HPD: variants seen among roughly 807,000 people sequenced by gnomAD.
HPD encodes 4-hydroxyphenylpyruvate dioxygenase, also known as 4-hydroxyphenylpyruvic acid oxidase.
HPD carries 35 observed loss-of-function variants against 56.9 expected under a neutral mutation model. That is an observed-to-expected ratio of 0.62 (90% CI 0.47 to 0.82). The LOEUF (loss-of-function observed/expected upper bound fraction) is 0.82. Among genes scored for constraint, HPD ranks in the 40% least tolerant of loss-of-function variants. HPD has a pLI of 0.00. For synonymous variants in HPD, 186 were observed against 200.2 expected (o/e 0.93, Z 0.60); for missense variants, 442 against 506.8 (o/e 0.87, Z 1.23).
At position 121,839,746 on chromosome 12, in the gene HPD, C is replaced by T. The variant is rs780183917; in HGVS notation, c.1164G>A (p.Gly388=). The change falls in exon 14 of 14, where the codon GGG becomes GGA. Residue 388 remains glycine, a synonymous_variant. Coordinates refer to ENST00000289004, the MANE Select transcript of HPD (RefSeq NM_002150.3). ...GCGGGGCTTACATGCCGGGCACCAC[C>T]CCATTGGTCTCCATGTTGGTGAGGT... ...RGNLTNMETN[G]VVPGM 5.0e-6 allele frequency: 8 copies of T among 1,613,492 alleles called. No individual in the cohort carries two copies. The highest frequency in any genetic ancestry group is 6.8e-6 in the Non-Finnish European group (8 of 1,179,400).
At chr12:121,844,152 C>A (rs577768608) in intron 11 of HPD, among the ~76,000 whole-genome samples, 1 of 151,996 alleles carries the variant, frequency 6.6e-6, no homozygotes, top group Non-Finnish European at 1.5e-5. Flanking sequence ...CCGGTTCAAG[C>A]GATTCTCCTG....
rs189210271 is a variant in HPD, at chr12:121,846,891, C to T, written c.802G>A (p.Ala268Thr). 2 of 1,614,098 alleles carry T rather than the reference C, an allele frequency of 1.2e-6. No homozygotes were observed. The highest frequency in any genetic ancestry group is 2.2e-5 in the East Asian group (1 of 44,878). ...YNGGAGVQHI[A>T]LKTEDIITAI... ...GTGATGATGTCTTCGGTCTTGAGAG[C>T]GATGTGCTGGACCCCAGCGCCCCCG... The change falls in exon 11 of 14, where the codon GCT (alanine) becomes ACT (threonine). Residue 268 changes from alanine (A) to threonine (T), a missense_variant. Coordinates refer to ENST00000289004, the MANE Select transcript of HPD (RefSeq NM_002150.3).
upstream of HPD, among the ~76,000 whole-genome samples, chr12:121,863,056 C>A (rs1451367478): frequency 6.6e-6 from 1 of 150,830 alleles, no homozygotes; most frequent in Non-Finnish European, 1.5e-5. Flanking sequence ...GATCTCTGCT[C>A]ACTGCAACCT....
At chr12:121,885,443 G>A in the HPD span, among the ~76,000 whole-genome samples, 24 of 148,246 alleles carry the variant, frequency 1.6e-4, no homozygotes, top group African/African-American at 6.0e-4. Context: ...CTTGTGATCC[G>A]CCCACCTCGG....
intron 12 of HPD, 82 bp downstream of exon 12, chr12:121,843,628 G>C: frequency 1.3e-6 from 2 of 1,545,448 alleles, no homozygotes; most frequent in Non-Finnish European, 1.8e-6. Flanking sequence ...GCTCCCCTCC[G>C]GGCTGAGACA....
At chr12:121,863,158 T>A (rs1239370160), upstream of HPD, among the ~76,000 whole-genome samples, 1 of 151,996 alleles carries the variant, frequency 6.6e-6, no homozygotes, top group Non-Finnish European at 1.5e-5. Flanking sequence ...AATTTTTGTA[T>A]TTTTTATCAG....
the HPD span, among the ~76,000 whole-genome samples, chr12:121,880,897 C>T: frequency 2.0e-5 from 3 of 152,182 alleles, no homozygotes; most frequent in Non-Finnish European, 4.4e-5. Flanking sequence ...CAGGCTCAAG[C>T]AATCCCCCCA....
chr12:121,849,024 G>C lies in HPD; in HGVS notation c.571C>G (p.Gln191Glu). Reference sequence around the variant, plus strand: ...CATTCGGAGGCGGACACCATCTCCTGATCAGGCTGGTTTCCCACAATGTGG... The same window carrying C: ...CATTCGGAGGCGGACACCATCTCCTCATCAGGCTGGTTTCCCACAATGTGG... ...IDHIVGNQPD[Q>E]EMVSASEWYL... The change falls in exon 9 of 14, where the codon CAG (glutamine) becomes GAG (glutamate). Residue 191 changes from glutamine (Q) to glutamate (E), a missense_variant. Transcript: ENST00000289004. 1.2e-6 allele frequency: 2 copies of C among 1,613,846 alleles called. No individual in the cohort carries two copies. The highest frequency in any genetic ancestry group is 8.5e-7 in the Non-Finnish European group (1 of 1,179,904).
Position 121,840,022 on chromosome 12 carries a change from G to C in HPD, c.981C>G (p.Asp327Glu), listed in dbSNP as rs747384816. The C allele has an allele frequency of 6.2e-7, 1 of 1,613,506 alleles. No homozygotes were observed. Among genetic ancestry groups the C allele is most frequent in the Admixed American group, 1.7e-5 (1 of 59,988 alleles). ...AGATCTGCAGGAGGTAGCCTTTCTC[G>C]TCGTAGTCCACCAGGATTTTCAGCT... The part of the protein sequence containing the change: ...LEELKILVDY[D>E]EKGYLLQIFT... The change falls in exon 13 of 14, where the codon GAC becomes GAG. Residue 327 changes from aspartate to glutamate, a missense_variant. Physicochemically the swap from Asp to Glu is conservative, Grantham distance 45 (BLOSUM62 2). Coordinates refer to ENST00000289004, the MANE Select transcript of HPD (RefSeq NM_002150.3).
the HPD span, among the ~76,000 whole-genome samples, chr12:121,886,975 T>C: frequency 1.3e-5 from 2 of 152,114 alleles, no homozygotes; most frequent in Non-Finnish European, 2.9e-5. Context: ...TCTCAGCTCA[T>C]TGCAACCTCT....
chr12:121,884,569 A>T, the HPD span, among the ~76,000 whole-genome samples: 1 of 151,888 alleles, frequency 6.6e-6, no homozygotes, highest in Admixed American at 6.6e-5. Context: ...GATCTCCCAG[A>T]GATATAGGAC....
intron 6 of HPD, among the ~76,000 whole-genome samples, chr12:121,855,119 A>G (rs1439753435): frequency 6.6e-6 from 1 of 152,204 alleles, no homozygotes; most frequent in Non-Finnish European, 1.5e-5. Flanking sequence ...GAATGGTTGG[A>G]TGAGAATAAT....
At chr12:121,883,944 T>G in the HPD span, among the ~76,000 whole-genome samples, 1 of 152,142 alleles carries the variant, frequency 6.6e-6, no homozygotes, top group Non-Finnish European at 1.5e-5. Flanking sequence ...GCTACACATC[T>G]AAATATTTGA....
intron 3 of HPD, 72 bp from the exon 4 acceptor site, chr12:121,857,504 C>T (rs536545477): frequency 1.7e-6 from 2 of 1,196,256 alleles, no homozygotes; most frequent in East Asian, 4.7e-5. Context: ...CAAGAGAGCC[C>T]CTGGCCCCCC....
the HPD span, among the ~76,000 whole-genome samples, chr12:121,875,698 T>A: frequency 6.6e-6 from 1 of 152,114 alleles, no homozygotes. Flanking sequence ...AGTGTTGGGA[T>A]TACAGGCATG....
chr12:121,865,515 C>G (rs1352273537), upstream of HPD, among the ~76,000 whole-genome samples: 3 of 149,572 alleles, frequency 2.0e-5, no homozygotes, highest in Non-Finnish European at 3.0e-5. Flanking sequence ...GTGATCTGTC[C>G]GCCTTGGCCT....
the HPD span, among the ~76,000 whole-genome samples, chr12:121,873,484 G>A: frequency 6.6e-6 from 1 of 152,196 alleles, no homozygotes; most frequent in East Asian, 1.9e-4. Flanking sequence ...CTTCTCCCCA[G>A]TCCAGCCTCC....
the HPD span, among the ~76,000 whole-genome samples, chr12:121,875,794 C>G: frequency 6.6e-6 from 1 of 152,004 alleles, no homozygotes; most frequent in Non-Finnish European, 1.5e-5. Flanking sequence ...CAGTACATAC[C>G]AAACGGATAC....
chr12:121,882,986 C>T, the HPD span, among the ~76,000 whole-genome samples: 2 of 152,142 alleles, frequency 1.3e-5, no homozygotes, highest in East Asian at 3.9e-4. Context: ...CCTCGGCCTC[C>T]CAAAGTGCTG....
Sources: allele counts gnomAD v4.1 joint callset (sites outside exome capture counted in the v4.1 genomes callset), GRCh38; gene constraint gnomAD v4.1.1; transcripts MANE v1.5; gene names NCBI Gene and HGNC (gene_info 2026-07-23, HGNC 2026-07-21).